Variants in GPATCH2 observed in about 807,000 individuals in gnomAD.
GPATCH2 encodes the protein G patch domain-containing protein 2.
Under a neutral mutation model 58.0 loss-of-function variants are expected in GPATCH2, and 51 were observed. The observed-to-expected ratio is 0.88, with a 90% CI of 0.70 to 1.11. The LOEUF (loss-of-function observed/expected upper bound fraction) is 1.11. Ranked by LOEUF, GPATCH2 falls within the 50% of genes most tolerant of loss-of-function variation. The pLI is 0.00. For synonymous variants in GPATCH2, 222 were observed against 218.5 expected (o/e 1.02, Z -0.14); for missense variants, 625 against 652.2 (o/e 0.96, Z 0.45).
chr1:217,601,231 T>C (rs1668093195), intron 5 of GPATCH2, among the ~76,000 whole-genome samples: 1 of 152,118 alleles, frequency 6.6e-6, no homozygotes, highest in Admixed American at 6.6e-5. Context: ...TCCAAAATGC[T>C]ATATAAATAT....
intron 6 of GPATCH2, among the ~76,000 whole-genome samples, chr1:217,507,958 C>G (rs1662644065): frequency 6.6e-6 from 1 of 151,976 alleles, no homozygotes; most frequent in South Asian, 2.1e-4. Flanking sequence ...TGAAAATTAT[C>G]TGAAAAAATA....
chr1:217,511,701 G>A (rs1393424376), intron 6 of GPATCH2, among the ~76,000 whole-genome samples: 2 of 152,018 alleles, frequency 1.3e-5, no homozygotes, highest in Admixed American at 6.6e-5. Context: ...TCAGATATTG[G>A]GTTTTTCTCC....
intron 5 of GPATCH2, among the ~76,000 whole-genome samples, chr1:217,558,813 TAAAAC>T (rs1453091192): frequency 4.6e-5 from 7 of 151,942 alleles, no homozygotes; most frequent in Admixed American, 2.6e-4. Flanking sequence ...ATAATAATAA[TAAAAC>T]ATAACAAAAG....
intron 5 of GPATCH2, among the ~76,000 whole-genome samples, chr1:217,524,854 A>G (rs867715562): frequency 4.6e-4 from 2 of 4,358 alleles, no homozygotes; most frequent in African/African-American, 1.2e-3. Context: ...GACCGGGGAG[A>G]GGGGAGAGGG....
At chr1:217,591,270 T>C (rs536897388) in intron 5 of GPATCH2, among the ~76,000 whole-genome samples, 1 of 152,166 alleles carries the variant, frequency 6.6e-6, no homozygotes, top group African/African-American at 2.4e-5. Context: ...ATGATGGACA[T>C]ATATATATGA....
intron 5 of GPATCH2, among the ~76,000 whole-genome samples, chr1:217,547,335 C>G (rs548729477): frequency 6.8e-6 from 1 of 146,000 alleles, no homozygotes; most frequent in African/African-American, 2.4e-5. Context: ...TGCACTCCAG[C>G]CTGGGTGACA....
chr1:217,440,879 C>G (rs1659103548), intron 9 of GPATCH2, among the ~76,000 whole-genome samples: 1 of 152,154 alleles, frequency 6.6e-6, no homozygotes, highest in Non-Finnish European at 1.5e-5. Flanking sequence ...AATGGAAAAA[C>G]ATTCCATGCT....
At chr1:217,502,862 C>T (rs535024498) in intron 6 of GPATCH2, among the ~76,000 whole-genome samples, 1 of 152,150 alleles carries the variant, frequency 6.6e-6, no homozygotes, top group Non-Finnish European at 1.5e-5. Context: ...TATTTCAGTT[C>T]CATGCCCCAC....
chr1:217,432,547 T>C (rs1265496962), intron 9 of GPATCH2, among the ~76,000 whole-genome samples: 1 of 152,188 alleles, frequency 6.6e-6, no homozygotes, highest in Non-Finnish European at 1.5e-5. Flanking sequence ...GTGGTATAGG[T>C]TGGCTCTTTC....
At chr1:217,519,898 A>G (rs1663362865) in intron 5 of GPATCH2, among the ~76,000 whole-genome samples, 1 of 152,172 alleles carries the variant, frequency 6.6e-6, no homozygotes, top group East Asian at 1.9e-4. Context: ...TTTTAGTTAT[A>G]TTGTTCACCT....
intron 8 of GPATCH2, among the ~76,000 whole-genome samples, chr1:217,479,414 T>C (rs1203788945): frequency 2.0e-5 from 3 of 152,178 alleles, no homozygotes; most frequent in Non-Finnish European, 4.4e-5. Flanking sequence ...TAGTTTTCTT[T>C]TTGCTTTATG....
intron 6 of GPATCH2, among the ~76,000 whole-genome samples, chr1:217,513,573 T>C (rs1662962708): frequency 6.6e-6 from 1 of 152,200 alleles, no homozygotes; most frequent in African/African-American, 2.4e-5. Context: ...TATATGGTAT[T>C]GCTCTAAAAT....
intron 5 of GPATCH2, among the ~76,000 whole-genome samples, chr1:217,551,462 C>T (rs935984960): frequency 6.6e-6 from 1 of 152,050 alleles, no homozygotes; most frequent in Admixed American, 6.6e-5. Flanking sequence ...ATTTAACAAG[C>T]CTTCCAGCTG....
intron 5 of GPATCH2, among the ~76,000 whole-genome samples, chr1:217,588,620 T>C (rs1275433759): frequency 1.3e-5 from 2 of 152,092 alleles, no homozygotes; most frequent in Admixed American, 6.6e-5. Flanking sequence ...AAAAATAAAA[T>C]AAATAGTGCA....
In GPATCH2 at chr1:217,603,418, T is replaced by C. The variant is rs550461465; in HGVS notation, c.1098+6903A>G. Among the ~76,000 whole-genome samples, 43 of 152,312 alleles carry C rather than the reference T, an allele frequency of 2.8e-4. 1 individual carries two copies. Among genetic ancestry groups the C allele is most frequent in the African/African-American group, 8.7e-4 (36 of 41,584 alleles). On this transcript the variant is annotated intron_variant, in intron 5 of 9. Transcript: ENST00000366935. ...TTAATTAAATGAACAAATATACTAC[T>C]GTATTGGCACTATTTAAATTTGTAA... is the stretch of plus-strand genomic sequence containing the variant.
Position 217,620,353 on chromosome 1 carries a change from C to G in GPATCH2, c.203G>C (p.Arg68Thr), listed in dbSNP as rs1354710788. The G allele has an allele frequency of 1.2e-6, 2 of 1,614,074 alleles. No individual in the cohort carries two copies. The highest frequency in any genetic ancestry group is 3.3e-5 in the Admixed American group (2 of 60,016). The change falls in exon 2 of 10, where the codon AGG becomes ACG. Residue 68 changes from arginine to threonine, a missense_variant. Arg to Thr is a moderately conservative substitution (Grantham distance 71, BLOSUM62 -1). Transcript: ENST00000366935. ...ATACGACCTCCGTTTTCTCCCTCTC[C>G]TTTTCCTTGCCTGGCGTTTCAGAGG... ...SCPLKRQARK[R>T]RGRKRRSYNV...
chr1:217,537,617 T>C (rs1664539934), intron 5 of GPATCH2, among the ~76,000 whole-genome samples: 1 of 152,104 alleles, frequency 6.6e-6, no homozygotes, highest in Non-Finnish European at 1.5e-5. Flanking sequence ...ATGAAACCAC[T>C]TCGGTCTTAT....
intron 5 of GPATCH2, among the ~76,000 whole-genome samples, chr1:217,580,734 GA>G (rs973829119): frequency 6.6e-6 from 1 of 151,982 alleles, no homozygotes; most frequent in Non-Finnish European, 1.5e-5. Flanking sequence ...GAGCCCATTA[GA>G]AAGGCAGAAT....
Position 217,498,468 on chromosome 1 carries a change from T to A in GPATCH2, c.1167-73A>T. 2.7e-6 allele frequency: 3 copies of A among 1,110,938 alleles called. No individual in the cohort carries two copies. In the South Asian group the frequency reaches 3.7e-5, roughly 14 times the overall value. The allele number at this position is 1,110,938 out of a possible 1,614,324, so 68.8% of individuals were successfully genotyped here. A position where few individuals can be genotyped will look rare whatever the true frequency, so the allele number is the denominator to read the frequency against. On this transcript the variant is annotated intron_variant, in intron 6 of 9. Transcript: ENST00000366935. ...CGTGCTCTCACATGATCGAGCCGCA[T>A]GTGCTTTAAGAAATTTGTCACCAGC...
Sources: allele counts gnomAD v4.1 joint callset (sites outside exome capture counted in the v4.1 genomes callset), GRCh38; gene constraint gnomAD v4.1.1; transcripts MANE v1.5; gene names NCBI Gene and HGNC (gene_info 2026-07-23, HGNC 2026-07-21).